The following IGSF21 variants were observed in gnomAD, a reference collection of about 807,000 sequenced individuals.
IGSF21 encodes the protein immunoglobulin superfamily member 21.
Under a neutral mutation model 46.8 loss-of-function variants are expected in IGSF21, and 28 were observed. The observed-to-expected ratio is 0.60, with a 90% CI of 0.44 to 0.82. IGSF21 has a LOEUF of 0.82. IGSF21 is among the 40% of genes least tolerant of loss of function. IGSF21 has a pLI of 0.00. For synonymous variants in IGSF21, 284 were observed against 273.6 expected (o/e 1.04, Z -0.38); for missense variants, 624 against 665.5 (o/e 0.94, Z 0.69).
At chr1:18,304,708 T>TACACACAC (rs931235898) in intron 3 of IGSF21, among the ~76,000 whole-genome samples, 10 of 63,340 alleles carry the variant, frequency 1.6e-4, no homozygotes, top group African/African-American at 7.7e-4. Flanking sequence ...CACACACACA[T>TACACACAC]ACACACACAC....
chr1:18,206,772 T>C (rs1463717190), intron 1 of IGSF21, among the ~76,000 whole-genome samples: 5 of 152,184 alleles, frequency 3.3e-5, no homozygotes, highest in Non-Finnish European at 7.3e-5. Context: ...CTGTTCAGTA[T>C]GATGGGAGCT....
chr1:18,346,741 C>T (rs770417094), intron 4 of IGSF21, among the ~76,000 whole-genome samples: 1 of 152,156 alleles, frequency 6.6e-6, no homozygotes, highest in Non-Finnish European at 1.5e-5. Context: ...CCCTGCCAGC[C>T]GGAGCTTCTG....
intron 5 of IGSF21, among the ~76,000 whole-genome samples, chr1:18,363,218 C>T (rs1034014994): frequency 1.9e-4 from 29 of 152,158 alleles, no homozygotes; most frequent in African/African-American, 6.5e-4. Flanking sequence ...CTGTGAGTTT[C>T]GCACAGTACT....
intron 1 of IGSF21, among the ~76,000 whole-genome samples, chr1:18,206,576 GGAA>G (rs1022717811): frequency 2.6e-5 from 4 of 151,862 alleles, no homozygotes; most frequent in African/African-American, 9.7e-5. Flanking sequence ...GAGTGTTCTA[GGAA>G]GATGGAACAG....
chr1:18,124,876 G>T (rs577651785), intron 1 of IGSF21, among the ~76,000 whole-genome samples: 1 of 152,206 alleles, frequency 6.6e-6, no homozygotes, highest in Non-Finnish European at 1.5e-5. Context: ...TTAGTGCGGC[G>T]TGTGGGTCTG....
intron 6 of IGSF21, 190 bp from the exon 7 acceptor site, chr1:18,376,120 T>C (rs1044885408): frequency 1.7e-5 from 10 of 596,112 alleles, no homozygotes; most frequent in Non-Finnish European, 2.8e-5. Context: ...ATCTGATTCA[T>C]TGCATGGGCT....
At chr1:18,358,310 T>C (rs2086046886) in intron 4 of IGSF21, among the ~76,000 whole-genome samples, 1 of 152,208 alleles carries the variant, frequency 6.6e-6, no homozygotes, top group African/African-American at 2.4e-5. Flanking sequence ...CGCATTAAGA[T>C]AAGTTTAAAA....
At chr1:18,369,022 C>T (rs2086197970) in intron 6 of IGSF21, among the ~76,000 whole-genome samples, 1 of 152,212 alleles carries the variant, frequency 6.6e-6, no homozygotes. Flanking sequence ...CCTCTGTGGG[C>T]ACCCCCACTC....
chr1:18,159,042 G>T (rs917955462), intron 1 of IGSF21, among the ~76,000 whole-genome samples: 1 of 152,170 alleles, frequency 6.6e-6, no homozygotes, highest in Admixed American at 6.5e-5. Flanking sequence ...TGCCTGTGTT[G>T]AGAGTCTCTG....
chr1:18,190,262 C>T (rs756110238), intron 1 of IGSF21, among the ~76,000 whole-genome samples: 28 of 152,202 alleles, frequency 1.8e-4, no homozygotes, highest in Non-Finnish European at 3.5e-4. Flanking sequence ...GCCTGGTCTC[C>T]ACTTTTCTGC....
At chr1:18,165,759 A>G (rs565552818) in intron 1 of IGSF21, among the ~76,000 whole-genome samples, 1 of 152,354 alleles carries the variant, frequency 6.6e-6, no homozygotes, top group South Asian at 2.1e-4. Flanking sequence ...TAGCCTAAAT[A>G]TTTGCCCTGG....
chr1:18,364,743 C>A (rs2086142870), intron 5 of IGSF21, among the ~76,000 whole-genome samples: 1 of 152,080 alleles, frequency 6.6e-6, no homozygotes, highest in South Asian at 2.1e-4. Context: ...GAGATTCTTT[C>A]TTCCCTCATC....
rs566196093 is a variant in IGSF21 at position 18,152,989 on chromosome 1, A to G, written c.70+44791A>G. On this transcript the variant is annotated intron_variant, in intron 1 of 9. Transcript: ENST00000251296. ...AACAAGCCTCCTACAGCTTCTGCCC[A>G]TAGCTATGATGGAAAAGCACGAGGG... Among the ~76,000 whole-genome samples the G allele has an allele frequency of 2.0e-5, 3 of 152,312 alleles. No individual in the cohort carries two copies. In the East Asian group the frequency reaches 5.8e-4, roughly 29 times the overall value.
At chr1:18,354,876 CA>C in intron 4 of IGSF21, among the ~76,000 whole-genome samples, 1 of 72,436 alleles carries the variant, frequency 1.4e-5, no homozygotes, top group Admixed American at 1.2e-4. Context: ...GCTATCCTTA[CA>C]GAAGGTTTAT....
At chr1:18,355,765 C>T (rs2086009830) in intron 4 of IGSF21, among the ~76,000 whole-genome samples, 1 of 150,542 alleles carries the variant, frequency 6.6e-6, no homozygotes, top group Non-Finnish European at 1.5e-5. Flanking sequence ...TCTGGTGTTA[C>T]ACAAGTGGAA....
At chr1:18,316,690 G>T (rs1364971520) in intron 3 of IGSF21, among the ~76,000 whole-genome samples, 1 of 152,088 alleles carries the variant, frequency 6.6e-6, no homozygotes, top group African/African-American at 2.4e-5. Context: ...GTGTAACTCT[G>T]GGCATCTTAT....
chr1:18,335,719 A>G lies in IGSF21; in HGVS notation c.424+709A>G, dbSNP rs867888439. Among the ~76,000 whole-genome samples, 5 of 152,280 alleles carry G rather than the reference A, an allele frequency of 3.3e-5. No homozygotes were observed. The highest frequency in any genetic ancestry group is 3.4e-3 in the Middle Eastern group (1 of 294). Reference sequence around the variant, plus strand: ...CTCTGTGTTCTCCGGTTTTCTTATCAAATAATACGTATCAGGGAAACAAAG... The same window carrying G: ...CTCTGTGTTCTCCGGTTTTCTTATCGAATAATACGTATCAGGGAAACAAAG... On this transcript the variant is annotated intron_variant, in intron 4 of 9. Transcript: ENST00000251296. This position sits in a 1 kb window ranked among gnomAD's most constrained non-coding sequence, Gnocchi z 4.8.
chr1:18,343,051 ACCAACTGCATATGAGTC>A (rs1381419875), intron 4 of IGSF21, among the ~76,000 whole-genome samples: 2 of 152,158 alleles, frequency 1.3e-5, no homozygotes, highest in Non-Finnish European at 2.9e-5. Flanking sequence ...TTATATTCCC[ACCAACTGCATATGAGTC>A]CCAACTTCTC....
chr1:18,272,613 C>A (rs966190388), intron 2 of IGSF21, among the ~76,000 whole-genome samples: 2 of 152,196 alleles, frequency 1.3e-5, no homozygotes, highest in Non-Finnish European at 2.9e-5. Context: ...CCGCGACAGC[C>A]CCTTCTTCCA....
Sources: gnomAD v4.1 joint callset for allele counts (sites outside exome capture counted in the v4.1 genomes callset) on GRCh38, gnomAD v4.1.1 for gene constraint, Gnocchi (gnomAD v3.1) non-coding constraint, MANE v1.5 for transcripts, NCBI Gene and HGNC (gene_info 2026-07-23, HGNC 2026-07-21) for gene names.